The following NSUN7 variants were observed in gnomAD, a reference collection of about 807,000 sequenced individuals.
NSUN7 encodes protein NSUN7.
Under a neutral mutation model 58.5 loss-of-function variants are expected in NSUN7, and 39 were observed. The ratio of observed to expected loss-of-function variants is 0.67; its 90% confidence interval spans 0.52 to 0.87. The LOEUF (loss-of-function observed/expected upper bound fraction) is 0.87. Among genes scored for constraint, NSUN7 ranks in the 40% least tolerant of loss-of-function variants. The pLI is 0.00. For missense variants in NSUN7, 765 were observed against 844.1 expected (o/e 0.91, Z 1.16); for synonymous variants, 278 against 303.7 (o/e 0.92, Z 0.88).
At position 40,794,208 on chromosome 4, in the gene NSUN7, G is replaced by T. The variant is rs565968656; in HGVS notation, c.1181-167G>T. On this transcript the variant is annotated intron_variant, in intron 8 of 11. Coordinates refer to ENST00000381782, the MANE Select transcript of NSUN7 (RefSeq NM_024677.6). Reference sequence around the variant, plus strand: ...AAAATGAAACAGAATTAACTTTATTGTTCTAATTTTTAAGTCAACATTTTA... The same window carrying T: ...AAAATGAAACAGAATTAACTTTATTTTTCTAATTTTTAAGTCAACATTTTA... Among the ~76,000 whole-genome samples the T allele has an allele frequency of 4.8e-4, 73 of 151,946 alleles. 1 individual carries two copies. Among genetic ancestry groups the T allele is most frequent in the African/African-American group, 1.7e-3 (71 of 41,458 alleles).
At chr4:40,790,338 A>C (rs1743022672) in intron 7 of NSUN7, among the ~76,000 whole-genome samples, 1 of 152,132 alleles carries the variant, frequency 6.6e-6, no homozygotes, top group African/African-American at 2.4e-5. Flanking sequence ...TTTCTCCCCT[A>C]CTATATATCC....
chr4:40,751,014 A>T (rs758596334), intron 2 of NSUN7, 23 bp downstream of exon 2: 1 of 1,607,136 alleles, frequency 6.2e-7, no homozygotes, highest in South Asian at 1.1e-5. Context: ...AGTCTGGAAG[A>T]TCAACACTAA....
intron 7 of NSUN7, among the ~76,000 whole-genome samples, chr4:40,780,066 C>G (rs542128878): frequency 6.6e-6 from 1 of 152,136 alleles, no homozygotes; most frequent in Admixed American, 6.5e-5. Flanking sequence ...GGATCACCTG[C>G]GGCCAGGAGT....
In NSUN7 at chr4:40,809,753, CAACAAA is replaced by C. The variant is rs753053089; in HGVS notation, c.*816_*821del. The C allele has an allele frequency of 6.6e-6, 1 of 152,170 alleles. No individual in the cohort carries two copies. The highest frequency in any genetic ancestry group is 1.5e-5 in the Non-Finnish European group (1 of 68,018). The allele number at this position is 152,170 out of a possible 1,614,324, so 9.4% of individuals were successfully genotyped here. A position where few individuals can be genotyped will look rare whatever the true frequency, so the allele number is the denominator to read the frequency against. Reference sequence around the variant, plus strand: ...TTTCTGATTCTAAGATCAGGGGATACAACAAAATCTACAAGTCATTTCAAATAGCAC... The same window carrying C: ...TTTCTGATTCTAAGATCAGGGGATACATCTACAAGTCATTTCAAATAGCAC... On this transcript the variant is annotated 3_prime_UTR_variant, in exon 12 of 12. Transcript: ENST00000381782.
At chr4:40,757,725 TACACACACACAC>T (rs33941131) in intron 2 of NSUN7, among the ~76,000 whole-genome samples, 6 of 142,544 alleles carry the variant, frequency 4.2e-5, no homozygotes, top group Admixed American at 4.2e-4. Flanking sequence ...TGTGTATATA[TACACACACACAC>T]ACACACACAC....
chr4:40,776,728 A>G (rs979054141), intron 7 of NSUN7, among the ~76,000 whole-genome samples: 1 of 151,906 alleles, frequency 6.6e-6, no homozygotes, highest in Non-Finnish European at 1.5e-5. Context: ...AGGTCCTCCA[A>G]CCTCAGCCTC....
chr4:40,791,566 A>G (rs960120374), intron 8 of NSUN7, among the ~76,000 whole-genome samples: 2 of 152,160 alleles, frequency 1.3e-5, no homozygotes, highest in Non-Finnish European at 2.9e-5. Context: ...TGGCACTTTT[A>G]ATGACTCTCT....
intron 2 of NSUN7, among the ~76,000 whole-genome samples, chr4:40,752,581 T>C (rs1740888712): frequency 6.6e-6 from 1 of 152,128 alleles, no homozygotes. Flanking sequence ...CCACCATGCC[T>C]GGCTAATTTT....
Position 40,808,514 on chromosome 4 carries a change from G to T in NSUN7, c.1732G>T (p.Ala578Ser). 1 of 1,553,838 alleles carries T rather than the reference G, an allele frequency of 6.4e-7. No homozygotes were observed. Among genetic ancestry groups the T allele is most frequent in the Non-Finnish European group, 8.7e-7 (1 of 1,147,736 alleles). The part of the protein sequence containing the change: ...EFLNRETKAS[A>S]NLSETVTKPP... ...CCTGAATCGAGAAACTAAAGCCAGT[G>T]CTAATCTATCAGAGACTGTAACAAA... The change falls in exon 12 of 12, where the codon GCT (alanine) becomes TCT (serine). Residue 578 changes from alanine to serine, a missense_variant. Coordinates refer to ENST00000381782, the MANE Select transcript of NSUN7 (RefSeq NM_024677.6).
chr4:40,803,749 G>A (rs1743703407), intron 10 of NSUN7, among the ~76,000 whole-genome samples: 1 of 152,206 alleles, frequency 6.6e-6, no homozygotes, highest in East Asian at 1.9e-4. Context: ...TATGATAAGA[G>A]TTAGGAGTCC....
intron 2 of NSUN7, among the ~76,000 whole-genome samples, chr4:40,753,259 T>A (rs1740926232): frequency 6.6e-6 from 1 of 151,922 alleles, no homozygotes; most frequent in African/African-American, 2.4e-5. Flanking sequence ...TTATGAAAGA[T>A]CTTGTAATTA....
intron 7 of NSUN7, among the ~76,000 whole-genome samples, chr4:40,785,897 G>A (rs1178292382): frequency 2.0e-5 from 3 of 152,300 alleles, no homozygotes; most frequent in East Asian, 3.9e-4. Context: ...GCTGGCGCGC[G>A]GCGCCTGCCA....
intron 2 of NSUN7, among the ~76,000 whole-genome samples, chr4:40,757,664 T>TAC (rs1241651265): frequency 4.1e-5 from 6 of 146,414 alleles, no homozygotes; most frequent in Admixed American, 1.4e-4. Context: ...TGTATATATA[T>TAC]ACATTGTGTG....
intron 5 of NSUN7, 86 bp downstream of exon 5, chr4:40,774,503 G>A: frequency 7.4e-6 from 10 of 1,353,582 alleles, no homozygotes; most frequent in Non-Finnish European, 1.0e-5. Context: ...TTTAAGAGGT[G>A]GGGGTGGCAC....
chr4:40,784,756 A>G (rs563165268), intron 7 of NSUN7, among the ~76,000 whole-genome samples: 2 of 152,366 alleles, frequency 1.3e-5, no homozygotes, highest in East Asian at 1.9e-4. Flanking sequence ...CCTGAGTTGT[A>G]TACTTAAACC....
intron 4 of NSUN7, among the ~76,000 whole-genome samples, chr4:40,771,056 T>TA (rs1741986157): frequency 6.6e-6 from 1 of 151,906 alleles, no homozygotes; most frequent in Non-Finnish European, 1.5e-5. Flanking sequence ...CCTCAAAAAA[T>TA]AAAAAATAAT....
chr4:40,759,777 A>G (rs1194442474), intron 2 of NSUN7, among the ~76,000 whole-genome samples: 1 of 152,250 alleles, frequency 6.6e-6, no homozygotes, highest in Non-Finnish European at 1.5e-5. Flanking sequence ...ATGGTGGCTC[A>G]TGCTTGTAAT....
In NSUN7 at chr4:40,810,610, G is replaced by GAAGA. The variant is rs1744223521; in HGVS notation, c.*1675_*1678dup. The GAAGA allele has an allele frequency of 7.1e-6, 1 of 141,628 alleles. No individual in the cohort carries two copies. Among genetic ancestry groups the GAAGA allele is most frequent in the Non-Finnish European group, 1.5e-5 (1 of 65,126 alleles). 8.8% of individuals were successfully genotyped at this position (141,628 alleles called of 1,614,324 possible). A position where few individuals can be genotyped will look rare whatever the true frequency, so the allele number is the denominator to read the frequency against. On this transcript the variant is annotated 3_prime_UTR_variant, in exon 12 of 12. Transcript: ENST00000381782. ...AAAAAAAAAAAAAAAAAGTGTCAATGAAGAAAGGAAACAAGACTTTTTATA... is the reference window on the plus strand; with the variant it reads ...AAAAAAAAAAAAAAAAAGTGTCAATGAAGAAAGAAAGGAAACAAGACTTTTTATA...
intron 7 of NSUN7, among the ~76,000 whole-genome samples, chr4:40,776,759 G>T (rs1742290301): frequency 6.6e-6 from 1 of 152,026 alleles, no homozygotes; most frequent in Non-Finnish European, 1.5e-5. Flanking sequence ...GTGACTACAG[G>T]CTCATGCCAC....
Sources: gnomAD v4.1 joint callset for allele counts (sites outside exome capture counted in the v4.1 genomes callset) on GRCh38, gnomAD v4.1.1 for gene constraint, MANE v1.5 for transcripts, NCBI Gene and HGNC (gene_info 2026-07-23, HGNC 2026-07-21) for gene names.